The following OIT3 variants were observed in gnomAD, a reference collection of about 807,000 sequenced individuals.
OIT3 encodes oncoprotein induced transcript 3.
A neutral mutation model predicts 52.2 loss-of-function variants in OIT3; 41 were observed. The ratio of observed to expected loss-of-function variants is 0.79; its 90% confidence interval spans 0.61 to 1.02. The LOEUF is 1.02. Ranked by LOEUF, OIT3 falls within the 50% of genes least tolerant of loss-of-function variation. The probability of loss-of-function intolerance (pLI) is 0.00; values close to 1 mark genes in which losing one functional copy is unlikely to be tolerated. For missense variants in OIT3, 634 were observed against 715.5 expected, an observed-to-expected ratio of 0.89 and a Z score of 1.30; for synonymous variants, 244 against 276.9, an observed-to-expected ratio of 0.88 and a Z score of 1.18.
intron 4 of OIT3, among the ~76,000 whole-genome samples, chr10:72,909,498 A>C (rs1365405488): frequency 6.6e-6 from 1 of 152,104 alleles, no homozygotes; most frequent in Non-Finnish European, 1.5e-5. Flanking sequence ...TCTCACTTAC[A>C]AGTGAGAACA....
chr10:72,929,212 A>G (rs990005730), intron 7 of OIT3, among the ~76,000 whole-genome samples: 3 of 151,440 alleles, frequency 2.0e-5, no homozygotes, highest in Admixed American at 6.6e-5. Flanking sequence ...AACAAAACAA[A>G]AAAAAAGAAG....
At chr10:72,894,474 G>T (rs772684127) in intron 1 of OIT3, among the ~76,000 whole-genome samples, 2 of 152,164 alleles carry the variant, frequency 1.3e-5, no homozygotes, top group African/African-American at 2.4e-5. Flanking sequence ...CAGAGGGTGG[G>T]GGTGAGATGG....
At chr10:72,900,033 C>T (rs891390771) in intron 2 of OIT3, among the ~76,000 whole-genome samples, 3 of 152,190 alleles carry the variant, frequency 2.0e-5, no homozygotes, top group Non-Finnish European at 1.5e-5. Flanking sequence ...AGTTGGGAAT[C>T]ATTGATCTAG....
intron 6 of OIT3, among the ~76,000 whole-genome samples, chr10:72,921,619 C>T (rs1033499178): frequency 6.6e-6 from 1 of 150,894 alleles, no homozygotes; most frequent in Non-Finnish European, 1.5e-5. Flanking sequence ...ACTTATGAAG[C>T]TTAGTTTGGC....
chr10:72,923,907 T>C (rs893937604), intron 6 of OIT3, among the ~76,000 whole-genome samples: 1 of 151,946 alleles, frequency 6.6e-6, no homozygotes, highest in Non-Finnish European at 1.5e-5. Context: ...AAATCAAAAC[T>C]CTGTCTGCCA....
chr10:72,924,083 A>C lies in OIT3; in HGVS notation c.952-146A>C, dbSNP rs143001186. The C allele has an allele frequency of 6.0e-4, 433 of 718,902 alleles. No individual in the cohort carries two copies. The African/African-American group carries it at 6.7e-3, about 11-fold the overall frequency. The allele number at this position is 718,902 out of a possible 1,614,324, so 44.5% of individuals were successfully genotyped here. The stretch of plus-strand genomic sequence containing the variant: ...TAACAAGAGGAGGGCAGTGGGAAAA[A>C]AAAACAAAACAAAACTTCATCCTTA... On this transcript the variant is annotated intron_variant, in intron 6 of 8. Transcript: ENST00000334011.
At chr10:72,929,117 G>T (rs1011950288) in intron 7 of OIT3, among the ~76,000 whole-genome samples, 12 of 152,124 alleles carry the variant, frequency 7.9e-5, no homozygotes, top group African/African-American at 2.9e-4. Flanking sequence ...CAGGAGAATT[G>T]CTTGAGTTTA....
At chr10:72,907,891 C>T (rs1045458280) in intron 4 of OIT3, among the ~76,000 whole-genome samples, 4 of 152,074 alleles carry the variant, frequency 2.6e-5, no homozygotes, top group African/African-American at 9.7e-5. Context: ...TTATATGAAA[C>T]TTAGATAATA....
Position 72,893,878 on chromosome 10 carries a change from A to T in OIT3, c.61+19A>T, listed in dbSNP as rs765335932. 3.4e-5 allele frequency: 55 copies of T among 1,595,970 alleles called. No homozygotes were observed. The highest frequency in any genetic ancestry group is 3.8e-5 in the Non-Finnish European group (45 of 1,170,082). On this transcript the variant is annotated intron_variant, in intron 1 of 8. Coordinates refer to ENST00000334011, the MANE Select transcript of OIT3 (RefSeq NM_152635.3). ...CCCGTGGGTGAGTCTCATGTCAAGAACTTGGCACAATGCACTTTTTGTTGT... is the reference window on the plus strand; with the variant it reads ...CCCGTGGGTGAGTCTCATGTCAAGATCTTGGCACAATGCACTTTTTGTTGT...
At chr10:72,918,648 C>A in intron 6 of OIT3, 1 of 635,870 alleles carries the variant, frequency 1.6e-6, no homozygotes, top group Non-Finnish European at 2.8e-6. Flanking sequence ...AAGTTTTTAA[C>A]CCATCTTGAG....
chr10:72,918,620 T>G, intron 6 of OIT3: 1 of 713,888 alleles, frequency 1.4e-6, no homozygotes, highest in Non-Finnish European at 2.5e-6. Flanking sequence ...CAGGACAGAA[T>G]CACACCAGGG....
At chr10:72,928,565 G>A (rs1846188517) in intron 7 of OIT3, among the ~76,000 whole-genome samples, 1 of 152,124 alleles carries the variant, frequency 6.6e-6, no homozygotes, top group African/African-American at 2.4e-5. Context: ...TTAATATCAA[G>A]CCTTACTATT....
intron 1 of OIT3, among the ~76,000 whole-genome samples, chr10:72,897,591 G>A (rs999147672): frequency 3.3e-5 from 5 of 152,134 alleles, no homozygotes; most frequent in South Asian, 2.1e-4. Flanking sequence ...ACATGTGCCC[G>A]AGGCCTTTTT....
chr10:72,904,033 T>TA (rs1469001007), intron 3 of OIT3, among the ~76,000 whole-genome samples: 1 of 152,278 alleles, frequency 6.6e-6, no homozygotes. Flanking sequence ...GCCTGGTAGT[T>TA]AAAGATCGAC....
chr10:72,900,567 A>G (rs558318518), intron 3 of OIT3, 83 bp downstream of exon 3: 10 of 724,600 alleles, frequency 1.4e-5, no homozygotes, highest in South Asian at 1.4e-4. Flanking sequence ...GAGCACCATC[A>G]TTTTCCCAGT....
At chr10:72,927,438 C>A (rs192909709) in intron 7 of OIT3, among the ~76,000 whole-genome samples, 1 of 152,316 alleles carries the variant, frequency 6.6e-6, no homozygotes, top group Non-Finnish European at 1.5e-5. Context: ...CCACGCCCAA[C>A]CATATTTACT....
chr10:72,903,363 T>C (rs957506301), intron 3 of OIT3, among the ~76,000 whole-genome samples: 4 of 152,118 alleles, frequency 2.6e-5, no homozygotes, highest in South Asian at 2.1e-4. Context: ...GTAGCTAGGA[T>C]TACAGATGCT....
chr10:72,932,370 G>C lies in OIT3; in HGVS notation c.1484G>C (p.Cys495Ser). ...TCTCTTCAGGAAGTGTTTCTGCACT[G>C]CCGGGTTCTTGTCTGTGGAGTGTTG... Reference protein sequence around the residue: ...GKDHKEVFLHCRVLVCGVLDE... With the variant: ...GKDHKEVFLHSRVLVCGVLDE... The change falls in exon 9 of 9, where the codon TGC (cysteine) becomes TCC (serine). Residue 495 changes from cysteine to serine, a missense_variant. Transcript: ENST00000334011. 6.2e-7 allele frequency: 1 copy of C among 1,614,196 alleles called. No individual in the cohort carries two copies. Among genetic ancestry groups the C allele is most frequent in the African/African-American group, 1.3e-5 (1 of 75,062 alleles).
intron 7 of OIT3, among the ~76,000 whole-genome samples, chr10:72,926,071 A>C (rs937196753): frequency 1.7e-4 from 26 of 151,936 alleles, no homozygotes; most frequent in East Asian, 1.9e-4. Context: ...GCAGTATCTC[A>C]TGGGCTTCTT....
Sources: allele counts gnomAD v4.1 joint callset (sites outside exome capture counted in the v4.1 genomes callset), GRCh38; gene constraint gnomAD v4.1.1; transcripts MANE v1.5; gene names NCBI Gene and HGNC (gene_info 2026-07-23, HGNC 2026-07-21).